Variants in KCND2 observed in about 807,000 individuals in gnomAD.
The protein encoded by KCND2 is potassium voltage-gated channel subfamily D member 2, also known as A-type voltage-gated potassium channel KCND2.
In KCND2, 16 loss-of-function variants were observed where a neutral mutation model predicts 54.4. That is an observed-to-expected ratio of 0.29 (90% CI 0.20 to 0.45). The LOEUF (loss-of-function observed/expected upper bound fraction) is 0.45. Among genes scored for constraint, KCND2 ranks in the 20% least tolerant of loss-of-function variants. The pLI, the probability that KCND2 is intolerant of heterozygous loss-of-function variation, is 1.00. For missense variants in KCND2, 486 were observed against 824.2 expected (o/e 0.59, Z 5.02); for synonymous variants, 317 against 310.7 (o/e 1.02, Z -0.21).
intron 1 of KCND2, among the ~76,000 whole-genome samples, chr7:120,404,028 C>T (rs1219352244): frequency 6.6e-6 from 1 of 151,962 alleles, no homozygotes; most frequent in Non-Finnish European, 1.5e-5. Context: ...TGGAAATTAA[C>T]ATTTCAGCAG....
intron 1 of KCND2, among the ~76,000 whole-genome samples, chr7:120,378,585 A>G (rs1031255475): frequency 2.6e-5 from 4 of 151,992 alleles, no homozygotes; most frequent in African/African-American, 7.2e-5. Flanking sequence ...AGTGCATAAG[A>G]TATTTGAGAT....
chr7:120,446,695 A>G (rs1802023702), intron 1 of KCND2, among the ~76,000 whole-genome samples: 1 of 152,156 alleles, frequency 6.6e-6, no homozygotes, highest in Non-Finnish European at 1.5e-5. Flanking sequence ...TTTCCCCTAT[A>G]CTCATAGATG....
At chr7:120,464,209 G>T (rs1802333290) in intron 1 of KCND2, 3 of 262,240 alleles carry the variant, frequency 1.1e-5, no homozygotes, top group Non-Finnish European at 1.7e-5. Flanking sequence ...TGGATATTTT[G>T]ATTTGACTGG....
intron 1 of KCND2, among the ~76,000 whole-genome samples, chr7:120,667,550 A>C (rs560697597): frequency 1.3e-5 from 2 of 152,122 alleles, no homozygotes; most frequent in Admixed American, 6.5e-5. Context: ...TGTCATAAGA[A>C]TCTAGGAAGC....
intron 1 of KCND2, among the ~76,000 whole-genome samples, chr7:120,666,371 G>A (rs932799375): frequency 6.6e-6 from 1 of 151,826 alleles, no homozygotes; most frequent in Non-Finnish European, 1.5e-5. Flanking sequence ...ATACCTATGT[G>A]TCAGGACCCA....
At chr7:120,374,710 C>A (rs1394899570) in intron 1 of KCND2, among the ~76,000 whole-genome samples, 1 of 151,818 alleles carries the variant, frequency 6.6e-6, no homozygotes, top group Non-Finnish European at 1.5e-5. Flanking sequence ...AGCCTCATAG[C>A]CTGTAGGGCA....
At chr7:120,553,379 AAGAT>A (rs1489133203) in intron 1 of KCND2, among the ~76,000 whole-genome samples, 3 of 152,218 alleles carry the variant, frequency 2.0e-5, no homozygotes, top group Non-Finnish European at 2.9e-5. Flanking sequence ...AGCTGTATCT[AAGAT>A]AGATAAAGAG....
intron 1 of KCND2, among the ~76,000 whole-genome samples, chr7:120,703,592 T>C (rs1792429313): frequency 6.6e-6 from 1 of 152,126 alleles, no homozygotes; most frequent in Admixed American, 6.5e-5. Flanking sequence ...AGAAGAACAG[T>C]TATTACACAG....
chr7:120,725,449 A>G (rs1007689606), intron 1 of KCND2, among the ~76,000 whole-genome samples: 2 of 152,200 alleles, frequency 1.3e-5, no homozygotes, highest in Non-Finnish European at 2.9e-5. Flanking sequence ...TTTGTGGGGT[A>G]GGGGTCAACT....
At chr7:120,471,480 A>G (rs1258687233) in intron 1 of KCND2, among the ~76,000 whole-genome samples, 1 of 152,254 alleles carries the variant, frequency 6.6e-6, no homozygotes, top group East Asian at 1.9e-4. Context: ...TATTAATGCC[A>G]TGGGTCTGGA....
At chr7:120,668,014 G>C (rs73721447) in intron 1 of KCND2, among the ~76,000 whole-genome samples, 2,065 of 152,014 alleles carry the variant, frequency 0.014, 50 homozygotes, top group African/African-American at 0.047. Context: ...TATTATACCT[G>C]AGTAACTCAG....
chr7:120,332,537 T>A (rs1279151683), intron 1 of KCND2, among the ~76,000 whole-genome samples: 3 of 152,118 alleles, frequency 2.0e-5, no homozygotes, highest in Non-Finnish European at 4.4e-5. Context: ...CAAGCAGTGT[T>A]TTTAGTATAA....
At chr7:120,504,634 A>G (rs1282691630) in intron 1 of KCND2, among the ~76,000 whole-genome samples, 2 of 151,936 alleles carry the variant, frequency 1.3e-5, no homozygotes, top group African/African-American at 4.8e-5. Flanking sequence ...CATACTAAAG[A>G]CCATGTGGTA....
intron 1 of KCND2, among the ~76,000 whole-genome samples, chr7:120,504,930 A>G (rs997269246): frequency 9.9e-5 from 15 of 151,600 alleles, no homozygotes; most frequent in Non-Finnish European, 2.1e-4. Context: ...GTGTTTGGAT[A>G]TTGGATAAGA....
chr7:120,392,498 ATCT>A (rs1224947279), intron 1 of KCND2, among the ~76,000 whole-genome samples: 2 of 149,852 alleles, frequency 1.3e-5, no homozygotes, highest in African/African-American at 4.9e-5. Flanking sequence ...TTTGTTTATT[ATCT>A]TCTTCTAAGA....
intron 1 of KCND2, among the ~76,000 whole-genome samples, chr7:120,712,982 T>C (rs1792558555): frequency 6.6e-6 from 1 of 152,210 alleles, no homozygotes; most frequent in Non-Finnish European, 1.5e-5. Context: ...TGTGAGGTCA[T>C]GCCCACGTAG....
intron 1 of KCND2, among the ~76,000 whole-genome samples, chr7:120,410,204 A>G (rs1269237650): frequency 2.6e-5 from 4 of 151,958 alleles, no homozygotes; most frequent in Non-Finnish European, 5.9e-5. Context: ...CCAAATGTAT[A>G]TTGGTCAATT....
At chr7:120,634,135 G>A (rs1428157324) in intron 1 of KCND2, among the ~76,000 whole-genome samples, 2 of 152,018 alleles carry the variant, frequency 1.3e-5, no homozygotes, top group East Asian at 1.9e-4. Context: ...AAAATTTGGA[G>A]CCATATATTC....
chr7:120,428,655 A>G (rs571855506), intron 1 of KCND2, among the ~76,000 whole-genome samples: 183 of 152,342 alleles, frequency 1.2e-3, no homozygotes, highest in Non-Finnish European at 2.1e-3. Context: ...TAAGGTCAAT[A>G]CTAAAGAGTA....
Sources: gnomAD v4.1 joint callset for allele counts (sites outside exome capture counted in the v4.1 genomes callset) on GRCh38, gnomAD v4.1.1 for gene constraint, MANE v1.5 for transcripts, NCBI Gene and HGNC (gene_info 2026-07-23, HGNC 2026-07-21) for gene names.